Variants in GPBP1L1 observed in about 807,000 individuals in gnomAD.
GPBP1L1 encodes vasculin-like protein 1.
A neutral mutation model predicts 52.5 loss-of-function variants in GPBP1L1; 23 were observed. That is an observed-to-expected ratio of 0.44 (90% CI 0.32 to 0.62). The LOEUF (loss-of-function observed/expected upper bound fraction) is 0.62, where lower values mean the gene tolerates loss of function less well. GPBP1L1 is among the 20% of genes least tolerant of loss of function. The pLI is 0.06. For synonymous variants in GPBP1L1, 243 were observed against 203.1 expected (o/e 1.20, Z -1.67); for missense variants, 596 against 579.3 (o/e 1.03, Z -0.30).
intron 6 of GPBP1L1, chr1:45,645,761 G>GTTTTTT: frequency 1.3e-5 from 4 of 304,858 alleles, no homozygotes; most frequent in Admixed American, 5.0e-5. Context: ...ATATTCCGAA[G>GTTTTTT]TTTTTTGTTT....
intron 6 of GPBP1L1, among the ~76,000 whole-genome samples, chr1:45,649,117 C>T (rs1280299101): frequency 3.3e-5 from 5 of 152,200 alleles, no homozygotes; most frequent in Non-Finnish European, 5.9e-5. Context: ...GGCATGACAT[C>T]CACACTCAAA....
intron 2 of GPBP1L1, among the ~76,000 whole-genome samples, chr1:45,674,898 T>C (rs921036623): frequency 3.3e-5 from 5 of 152,116 alleles, no homozygotes; most frequent in East Asian, 3.8e-4. Flanking sequence ...AGTCAAGGAG[T>C]AGCTGTACTT....
intron 6 of GPBP1L1, among the ~76,000 whole-genome samples, chr1:45,643,828 C>T (rs1644706024): frequency 6.6e-6 from 1 of 151,928 alleles, no homozygotes; most frequent in African/African-American, 2.4e-5. Flanking sequence ...CACCACCACA[C>T]CCAGCTAATT....
At chr1:45,660,080 A>T in intron 3 of GPBP1L1, 104 bp downstream of exon 3, 1 of 632,784 alleles carries the variant, frequency 1.6e-6, no homozygotes, top group Non-Finnish European at 2.0e-6. Flanking sequence ...AAACCACCCC[A>T]CTGATATTCT....
At chr1:45,683,367 A>G (rs1645235760) in intron 2 of GPBP1L1, among the ~76,000 whole-genome samples, 1 of 151,008 alleles carries the variant, frequency 6.6e-6, no homozygotes, top group Non-Finnish European at 1.5e-5. Context: ...CACCACGCCC[A>G]GCTAATTTTT....
intron 8 of GPBP1L1, 137 bp from the exon 9 acceptor site, chr1:45,634,373 A>ACCACCG: frequency 2.4e-6 from 2 of 836,304 alleles, no homozygotes; most frequent in Middle Eastern, 3.8e-4. Context: ...CATGTTTGGG[A>ACCACCG]AGTATGCAAC....
chr1:45,659,945 T>C (rs901497851), intron 3 of GPBP1L1, among the ~76,000 whole-genome samples: 1 of 151,874 alleles, frequency 6.6e-6, no homozygotes, highest in African/African-American at 2.4e-5. Context: ...TGCCTCAAGA[T>C]GGGGGAAAAA....
chr1:45,683,981 G>A (rs1387229528), intron 2 of GPBP1L1, among the ~76,000 whole-genome samples: 1 of 151,486 alleles, frequency 6.6e-6, no homozygotes, highest in Non-Finnish European at 1.5e-5. Flanking sequence ...AAGCCGGGCG[G>A]GGGCGGTGGC....
In GPBP1L1 at chr1:45,684,189, C is replaced by T. The variant is rs1321261538; in HGVS notation, c.-1098+1387G>A. ...AGGTGAATCGCTTGAACCCAGGAGG[C>T]GGAGGTTGCAGTGAACAGAAATCAA... On this transcript the variant is annotated intron_variant, in intron 2 of 12. Transcript: ENST00000355105. Among the ~76,000 whole-genome samples, 6 of 123,268 alleles carry T rather than the reference C, an allele frequency of 4.9e-5. No individual in the cohort carries two copies. In the South Asian group the frequency reaches 8.6e-4, roughly 18 times the overall value. 80.9% of individuals were successfully genotyped at this position (123,268 alleles called of 152,430 possible). A position where few individuals can be genotyped will look rare whatever the true frequency, so the allele number is the denominator to read the frequency against.
chr1:45,664,538 T>C (rs1347464055), intron 2 of GPBP1L1, among the ~76,000 whole-genome samples: 1 of 152,050 alleles, frequency 6.6e-6, no homozygotes, highest in East Asian at 1.9e-4. Flanking sequence ...GCACTCCAGC[T>C]TGGGTGACAG....
intron 1 of GPBP1L1, 114 bp downstream of exon 1, chr1:45,686,298 G>C (rs1046039046): frequency 2.6e-5 from 4 of 152,482 alleles, no homozygotes; most frequent in Admixed American, 6.5e-5. Flanking sequence ...AACCACCTGT[G>C]TGAGAGCTTC....
chr1:45,654,290 G>T, intron 6 of GPBP1L1: 1 of 338,848 alleles, frequency 3.0e-6, no homozygotes, highest in South Asian at 5.7e-5. Context: ...AACTTTATAA[G>T]ACTTAAGAGA....
intron 6 of GPBP1L1, chr1:45,645,808 T>C (rs577852057): frequency 2.0e-4 from 89 of 435,556 alleles, no homozygotes; most frequent in African/African-American, 1.4e-3. Flanking sequence ...TAAATATGTA[T>C]TGCATCCCTA....
intron 8 of GPBP1L1, among the ~76,000 whole-genome samples, chr1:45,637,035 T>C (rs1195481978): frequency 6.6e-6 from 1 of 152,234 alleles, no homozygotes; most frequent in African/African-American, 2.4e-5. Flanking sequence ...CATAGTAAGA[T>C]GTCAACAAAT....
rs77018426 is a variant in GPBP1L1 at position 45,674,131 on chromosome 1, T to C, written c.-1098+11445A>G. On this transcript the variant is annotated intron_variant, in intron 2 of 12. Transcript: ENST00000355105. ...CCCAACTTCAATGGCTTACACTGTT[T>C]ACATGTTCCTTAGCAAAACCCATCT... 6.9e-3 allele frequency among the ~76,000 whole-genome samples: 1,048 copies of C among 152,316 alleles called. 8 individuals carry two copies. The highest frequency in any genetic ancestry group is 0.024 in the African/African-American group (1,004 of 41,566).
At position 45,654,581 on chromosome 1, in the gene GPBP1L1, CTTCT is replaced by C. The variant is rs1234209527; in HGVS notation, c.435_438del (p.Glu146ThrfsTer16). The C allele has an allele frequency of 6.2e-7, 1 of 1,612,728 alleles. No homozygotes were observed. The highest frequency in any genetic ancestry group is 8.5e-7 in the Non-Finnish European group (1 of 1,178,924). ...TCAAACTGCAACTTTTCCACCTTGT[CTTCT>C]TTCTTTTCTTCCCTAATCTCCATAG... On this transcript the variant is annotated frameshift_variant, in exon 6 of 13. Transcript: ENST00000355105. LOFTEE classifies it high-confidence loss of function.
Position 45,653,444 on chromosome 1 carries a change from C to A in GPBP1L1, c.477+1099G>T, listed in dbSNP as rs755086260. On this transcript the variant is annotated intron_variant, in intron 6 of 12. Transcript: ENST00000355105. ...AATCATAGCTCACTGCAGCCTCAAA[C>A]TCCTGGGCTCAAGTAATCCTCCTGC... Among the ~76,000 whole-genome samples, 42 of 152,262 alleles carry A rather than the reference C, an allele frequency of 2.8e-4. 1 individual carries two copies. The Middle Eastern group carries it at 0.034, about 123-fold the overall frequency.
chr1:45,633,465 C>T, intron 10 of GPBP1L1, 24 bp downstream of exon 10: 1 of 1,609,676 alleles, frequency 6.2e-7, no homozygotes, highest in Non-Finnish European at 8.5e-7. Flanking sequence ...CTAGGCTACC[C>T]CCAGAAAAGG....
chr1:45,658,894 A>C, intron 4 of GPBP1L1, 134 bp downstream of exon 4: 1 of 675,220 alleles, frequency 1.5e-6, no homozygotes, highest in South Asian at 1.7e-5. Context: ...GTAAGCTGTG[A>C]TCACACTACC....
Sources: gnomAD v4.1 joint callset for allele counts (sites outside exome capture counted in the v4.1 genomes callset) on GRCh38, gnomAD v4.1.1 for gene constraint, MANE v1.5 for transcripts, NCBI Gene and HGNC (gene_info 2026-07-23, HGNC 2026-07-21) for gene names.